AUTS2: variants seen among roughly 807,000 people sequenced by gnomAD.
AUTS2 encodes autism susceptibility gene 2 protein.
A neutral mutation model predicts 112.4 loss-of-function variants in AUTS2; 17 were observed. The observed-to-expected ratio is 0.15, with a 90% confidence interval of 0.10 to 0.23. The LOEUF is 0.23. Ranked by LOEUF, AUTS2 falls within the 10% of genes least tolerant of loss-of-function variation. The probability of loss-of-function intolerance (pLI) is 1.00; values close to 1 mark genes in which losing one functional copy is unlikely to be tolerated. For synonymous variants in AUTS2, 751 were observed against 702.7 expected (o/e 1.07, Z -1.09); for missense variants, 1,510 against 1,701.6 (o/e 0.89, Z 1.98).
intron 5 of AUTS2, among the ~76,000 whole-genome samples, chr7:70,496,411 AC>A (rs1798509050): frequency 7.7e-6 from 1 of 130,560 alleles, no homozygotes; most frequent in Admixed American, 7.8e-5. Flanking sequence ...TCACACACAC[AC>A]CCCACACATG....
intron 1 of AUTS2, among the ~76,000 whole-genome samples, chr7:69,795,147 T>C (rs983845655): frequency 6.6e-6 from 1 of 152,330 alleles, no homozygotes; most frequent in African/African-American, 2.4e-5. Context: ...AGCTCTAAGT[T>C]TGCTGCTACT....
At chr7:70,045,688 A>G (rs1801469756) in intron 2 of AUTS2, among the ~76,000 whole-genome samples, 1 of 151,434 alleles carries the variant, frequency 6.6e-6, no homozygotes, top group Non-Finnish European at 1.5e-5. Flanking sequence ...GGCTCACTGC[A>G]ACCTCTGCCT....
chr7:70,156,444 T>G (rs1807763876), intron 4 of AUTS2, among the ~76,000 whole-genome samples: 1 of 152,110 alleles, frequency 6.6e-6, no homozygotes, highest in Non-Finnish European at 1.5e-5. Flanking sequence ...CTGTAGATAA[T>G]CCCAAATCCC....
At chr7:70,497,154 A>C (rs1798582017) in intron 5 of AUTS2, among the ~76,000 whole-genome samples, 1 of 114,470 alleles carries the variant, frequency 8.7e-6, no homozygotes, top group Admixed American at 9.7e-5. Flanking sequence ...CACACACCCC[A>C]CTCACACACA....
In AUTS2 at chr7:69,599,740, G is replaced by T. The variant is rs530867061; in HGVS notation, c.87G>T (p.Gly29=). The change falls in exon 1 of 19, where the codon GGG becomes GGT. Residue 29 remains glycine, a synonymous_variant. Coordinates refer to ENST00000342771, the MANE Select transcript of AUTS2 (RefSeq NM_015570.4). This position sits in a 1 kb window ranked among gnomAD's most constrained non-coding sequence, Gnocchi z 7.0. The stretch of plus-strand genomic sequence containing the variant: ...ACCGGGAGAGGCGCTCCCGGGGCGG[G>T]CTGGGGGCCGGCGCGGCCGGCGGCG... ...QRDRERRSRG[G]LGAGAAGGGG... is the part of the protein sequence containing the mutation. 2.2e-5 allele frequency: 30 copies of T among 1,349,664 alleles called. No homozygotes were observed. The South Asian group carries it at 5.8e-4, about 26-fold the overall frequency. The allele number at this position is 1,349,664 out of a possible 1,614,324, so 83.6% of individuals were successfully genotyped here. A position where few individuals can be genotyped will look rare whatever the true frequency, so the allele number is the denominator to read the frequency against.
chr7:69,771,525 C>G (rs1788662183), intron 1 of AUTS2, among the ~76,000 whole-genome samples: 1 of 152,100 alleles, frequency 6.6e-6, no homozygotes, highest in African/African-American at 2.4e-5. Context: ...AAACCTGCAG[C>G]AGTAGAAGTG....
intron 5 of AUTS2, among the ~76,000 whole-genome samples, chr7:70,513,006 T>G (rs1799263625): frequency 6.6e-6 from 1 of 152,196 alleles, no homozygotes; most frequent in Admixed American, 6.5e-5. Flanking sequence ...CCAGCAATTA[T>G]AAAAGGGGCC....
rs532787637 is a variant in AUTS2, at chr7:69,750,171, A to G, written c.310-149115A>G. Among the ~76,000 whole-genome samples the G allele has an allele frequency of 2.0e-5, 3 of 152,134 alleles. No homozygotes were observed. In the South Asian group the frequency reaches 6.2e-4, roughly 32 times the overall value. On this transcript the variant is annotated intron_variant, in intron 1 of 18. Transcript: ENST00000342771. ...ACTGCTGGTGTAGTAGTACATGACC[A>G]TGGTTGGTTTCTGTCAGTGTGGTAG...
intron 4 of AUTS2, among the ~76,000 whole-genome samples, chr7:70,270,694 G>A (rs1477805441): frequency 6.6e-6 from 1 of 152,150 alleles, no homozygotes; most frequent in African/African-American, 2.4e-5. Context: ...ATATCAAGTA[G>A]TGTTTCAAAT....
chr7:70,645,215 G>A (rs921179390), intron 5 of AUTS2, among the ~76,000 whole-genome samples: 4 of 49,694 alleles, frequency 8.0e-5, no homozygotes, highest in East Asian at 8.0e-4. Flanking sequence ...CCACCCTCCC[G>A]CCCCCTCAGC....
intron 1 of AUTS2, among the ~76,000 whole-genome samples, chr7:69,831,821 G>A (rs1220120536): frequency 6.6e-6 from 1 of 152,158 alleles, no homozygotes; most frequent in East Asian, 1.9e-4. Flanking sequence ...TATTGAGAGA[G>A]TGAGGTGTAG....
chr7:70,637,193 T>C (rs1805575734), intron 5 of AUTS2, among the ~76,000 whole-genome samples: 1 of 152,228 alleles, frequency 6.6e-6, no homozygotes, highest in Non-Finnish European at 1.5e-5. Context: ...TTCTTAACCA[T>C]TATGCTTTTT....
chr7:70,169,082 G>A (rs1479811959), intron 4 of AUTS2, among the ~76,000 whole-genome samples: 1 of 152,118 alleles, frequency 6.6e-6, no homozygotes, highest in Non-Finnish European at 1.5e-5. Flanking sequence ...GAGATGGATA[G>A]AAAACAGGCT....
rs376506324 is a variant in AUTS2, at chr7:70,054,519, C to T, written c.523-63613C>T. On this transcript the variant is annotated intron_variant, in intron 2 of 18. Transcript: ENST00000342771. ...CTGTCCCCAAAGATGGGGGCATTCG[C>T]GGATATGCAGTGTTTACCAAAAGCT... 8.5e-5 allele frequency among the ~76,000 whole-genome samples: 13 copies of T among 152,224 alleles called. No individual in the cohort carries two copies. The East Asian group carries it at 1.7e-3, about 20-fold the overall frequency.
intron 1 of AUTS2, among the ~76,000 whole-genome samples, chr7:69,747,635 A>G (rs527803873): frequency 2.6e-5 from 4 of 152,160 alleles, no homozygotes; most frequent in African/African-American, 9.7e-5. Context: ...TTTCAAATTC[A>G]GTTCTTTCTG....
At chr7:70,497,702 G>A (rs3094895) in intron 5 of AUTS2, among the ~76,000 whole-genome samples, 24,967 of 152,000 alleles carry the variant, frequency 0.16, 2,283 homozygotes, top group African/African-American at 0.19. Context: ...GTTCATTAGG[G>A]GCATAGCTGA....
At chr7:70,672,054 T>C (rs2129544119) in intron 5 of AUTS2, among the ~76,000 whole-genome samples, 1 of 152,328 alleles carries the variant, frequency 6.6e-6, no homozygotes, top group East Asian at 1.9e-4. Context: ...GGGAGGGTGA[T>C]GGCCTAGGTA....
At chr7:70,389,722 A>G (rs1793768298) in intron 4 of AUTS2, among the ~76,000 whole-genome samples, 1 of 152,080 alleles carries the variant, frequency 6.6e-6, no homozygotes, top group Non-Finnish European at 1.5e-5. Context: ...CTAAGCTCAG[A>G]TACTGTAAAT....
chr7:70,641,157 C>T (rs909427975), intron 5 of AUTS2, among the ~76,000 whole-genome samples: 2 of 152,214 alleles, frequency 1.3e-5, no homozygotes, highest in South Asian at 4.2e-4. Flanking sequence ...TCCTCTGGCT[C>T]AGAACACTCT....
Sources: allele counts gnomAD v4.1 joint callset (sites outside exome capture counted in the v4.1 genomes callset), GRCh38; gene constraint gnomAD v4.1.1; non-coding constraint Gnocchi (gnomAD v3.1); transcripts MANE v1.5; gene names NCBI Gene and HGNC (gene_info 2026-07-23, HGNC 2026-07-21).